Variants in GSE1 observed in about 807,000 individuals in gnomAD.
GSE1 encodes the protein genetic suppressor element 1.
In GSE1, 32 loss-of-function variants were observed where a neutral mutation model predicts 112.6. The ratio of observed to expected loss-of-function variants is 0.28; its 90% CI spans 0.21 to 0.38. The LOEUF is 0.38. Among genes scored for constraint, GSE1 ranks in the 10% least tolerant of loss-of-function variants. The probability of loss-of-function intolerance (pLI) is 1.00; values close to 1 mark genes in which losing one functional copy is unlikely to be tolerated. For synonymous variants in GSE1, 1,115 were observed against 735.6 expected, an observed-to-expected ratio of 1.52 and a Z score of -8.35; for missense variants, 2,348 against 1,699.2, an observed-to-expected ratio of 1.38 and a Z score of -6.71.
chr16:85,647,388 G>T (rs1309294161), intron 2 of GSE1, among the ~76,000 whole-genome samples: 2 of 152,186 alleles, frequency 1.3e-5, no homozygotes, highest in Non-Finnish European at 2.9e-5. Context: ...TGTAAACAGC[G>T]AACCTAGGCA....
In GSE1 at chr16:85,665,078, C is replaced by T; in HGVS notation, c.2708C>T (p.Ala903Val). ...MKQKALSAAVADSLTNSPRDS... is the reference protein window; with the variant it reads ...MKQKALSAAVVDSLTNSPRDS... The stretch of plus-strand genomic sequence containing the variant: ...CAGAAGGCACTGTCAGCAGCAGTGG[C>T]CGACTCCTTGACAAACTCTCCGAGG... The change falls in exon 12 of 16, where the codon GCC becomes GTC. Residue 903 changes from alanine (A) to valine (V), a missense_variant. By Grantham distance (64) the Ala-to-Val change is moderately conservative. Coordinates refer to ENST00000253458, the MANE Select transcript of GSE1 (RefSeq NM_014615.5). 1.2e-6 allele frequency: 2 copies of T among 1,612,594 alleles called. No homozygotes were observed. The highest frequency in any genetic ancestry group is 2.2e-5 in the East Asian group (1 of 44,880).
intron 2 of GSE1, among the ~76,000 whole-genome samples, chr16:85,449,913 C>T (rs1221214268): frequency 3.3e-5 from 5 of 152,144 alleles, no homozygotes; most frequent in Non-Finnish European, 4.4e-5. Flanking sequence ...TTCTGCCTGC[C>T]GCTGCCCTTC....
chr16:85,634,999 C>T (rs1432614120), intron 2 of GSE1, among the ~76,000 whole-genome samples: 2 of 152,144 alleles, frequency 1.3e-5, no homozygotes. Context: ...GCTTCATTCA[C>T]CTCCAAGGCC....
At chr16:85,647,440 C>G (rs2050967792) in intron 2 of GSE1, among the ~76,000 whole-genome samples, 1 of 152,188 alleles carries the variant, frequency 6.6e-6, no homozygotes, top group South Asian at 2.1e-4. Flanking sequence ...AATTATATCT[C>G]ATTTTCTGAA....
chr16:85,549,019 C>G (rs1217242009), intron 2 of GSE1, among the ~76,000 whole-genome samples: 1 of 152,124 alleles, frequency 6.6e-6, no homozygotes, highest in Admixed American at 6.5e-5. Flanking sequence ...GATCTCTTGA[C>G]CTCATGATCC....
intron 1 of GSE1, among the ~76,000 whole-genome samples, chr16:85,173,352 G>A (rs11643624): frequency 0.15 from 23,391 of 152,204 alleles, 2,522 homozygotes; most frequent in East Asian, 0.48. Flanking sequence ...TCTTATCCTG[G>A]TGGAATGTCA....
intron 2 of GSE1, among the ~76,000 whole-genome samples, chr16:85,525,136 C>T (rs1439866065): frequency 6.6e-6 from 1 of 152,138 alleles, no homozygotes; most frequent in Non-Finnish European, 1.5e-5. Context: ...AACCTGAGGG[C>T]AGTGGGCCAG....
intron 2 of GSE1, among the ~76,000 whole-genome samples, chr16:85,361,375 AG>A (rs1229518852): frequency 1.9e-4 from 23 of 120,670 alleles, no homozygotes; most frequent in African/African-American, 6.1e-4. Flanking sequence ...AGACAGGCAC[AG>A]ACCCCCCCAC....
At chr16:85,348,814 C>T (rs1170544353) in intron 1 of GSE1, among the ~76,000 whole-genome samples, 4 of 152,172 alleles carry the variant, frequency 2.6e-5, no homozygotes, top group African/African-American at 9.7e-5. Context: ...GACAGAACTG[C>T]CTTTTTATTT....
chr16:85,212,363 G>A (rs567939832), intron 1 of GSE1, among the ~76,000 whole-genome samples: 27 of 152,030 alleles, frequency 1.8e-4, no homozygotes, highest in Non-Finnish European at 3.4e-4. Context: ...CTGAGATTGC[G>A]CCACTGCACT....
intron 2 of GSE1, among the ~76,000 whole-genome samples, chr16:85,493,717 G>C (rs974827195): frequency 2.0e-5 from 3 of 150,092 alleles, no homozygotes; most frequent in Non-Finnish European, 4.4e-5. Flanking sequence ...TTGAACCCGG[G>C]AGGTAGAGGT....
intron 1 of GSE1, among the ~76,000 whole-genome samples, chr16:85,242,460 C>A (rs1251905351): frequency 6.6e-6 from 1 of 152,236 alleles, no homozygotes. Flanking sequence ...CTGTCGGTGC[C>A]CCGCAGGGCA....
At chr16:85,439,247 G>C (rs192679461) in intron 2 of GSE1, among the ~76,000 whole-genome samples, 1 of 152,252 alleles carries the variant, frequency 6.6e-6, no homozygotes, top group South Asian at 2.1e-4. Flanking sequence ...CCGGGAACAG[G>C]GGTTAGGACA....
At chr16:85,525,071 C>T (rs1403987850) in intron 2 of GSE1, among the ~76,000 whole-genome samples, 6 of 152,208 alleles carry the variant, frequency 3.9e-5, no homozygotes, top group African/African-American at 7.2e-5. Context: ...CTCGTGGTTG[C>T]GTCACCACGT....
At position 85,656,533 on chromosome 16, in the gene GSE1, C is replaced by T. The variant is rs759866697; in HGVS notation, c.1180C>T (p.Arg394Trp). Residue 394 changes from arginine to tryptophan, a missense_variant, in exon 7 of 16, where the codon CGG becomes TGG. Transcript: ENST00000253458. ...GGAGCGCCAGCGGGAGCAGCGGGCC[C>T]GGGAGAAGGAGCTGCTGGCCGCCAA... ...ELERQREQRA[R>W]EKELLAAKAL... The T allele has an allele frequency of 5.7e-5, 88 of 1,548,978 alleles. No homozygotes were observed. Among genetic ancestry groups the T allele is most frequent in the Middle Eastern group, 1.8e-4 (1 of 5,480 alleles).
intron 1 of GSE1, 69 bp downstream of exon 1, chr16:85,613,467 G>T (rs2151557345): frequency 7.2e-7 from 1 of 1,390,954 alleles, no homozygotes; most frequent in Non-Finnish European, 9.6e-7. Context: ...CCTCCTGCAA[G>T]TTCGCGGGTT....
chr16:85,542,668 A>C (rs1315172614), intron 2 of GSE1, among the ~76,000 whole-genome samples: 3 of 152,250 alleles, frequency 2.0e-5, no homozygotes, highest in Non-Finnish European at 4.4e-5. Context: ...TGTTCAGCTC[A>C]GCACAAGCTA....
chr16:85,537,831 G>T (rs1367798980), intron 2 of GSE1, among the ~76,000 whole-genome samples: 1 of 152,262 alleles, frequency 6.6e-6, no homozygotes, highest in Non-Finnish European at 1.5e-5. Flanking sequence ...GGGTCAAGGA[G>T]GCTGGGGCGG....
chr16:85,388,343 G>A, intron 2 of GSE1, among the ~76,000 whole-genome samples: 1 of 88,118 alleles, frequency 1.1e-5, no homozygotes, highest in African/African-American at 4.6e-5. Context: ...TGGATGTATG[G>A]CTGGATGGAT....
Sources: allele counts gnomAD v4.1 joint callset (sites outside exome capture counted in the v4.1 genomes callset), GRCh38; gene constraint gnomAD v4.1.1; transcripts MANE v1.5; gene names NCBI Gene and HGNC (gene_info 2026-07-23, HGNC 2026-07-21).